The following FNBP4 variants were observed in gnomAD, a reference collection of about 807,000 sequenced individuals.
FNBP4 encodes the protein formin-binding protein 4.
Under a neutral mutation model 119.3 loss-of-function variants are expected in FNBP4, and 34 were observed. That is an observed-to-expected ratio of 0.28 (90% CI 0.22 to 0.38). The LOEUF (loss-of-function observed/expected upper bound fraction) is 0.38. Among genes scored for constraint, FNBP4 ranks in the 10% least tolerant of loss-of-function variants. The pLI is 1.00. For missense variants in FNBP4, 1,112 were observed against 1,228.9 expected (o/e 0.90, Z 1.42); for synonymous variants, 462 against 430.6 (o/e 1.07, Z -0.90).
chr11:47,766,829 G>A (rs1052697791), intron 1 of FNBP4, among the ~76,000 whole-genome samples: 4 of 152,092 alleles, frequency 2.6e-5, no homozygotes, highest in South Asian at 2.1e-4. Context: ...TATTTCAAAC[G>A]TTCCCGGGGC....
chr11:47,753,640 T>C (rs367816708), intron 3 of FNBP4, among the ~76,000 whole-genome samples: 4 of 151,554 alleles, frequency 2.6e-5, no homozygotes, highest in African/African-American at 9.7e-5. Context: ...AAAAAAAGAA[T>C]ACAATTATTA....
chr11:47,764,902 T>C (rs1377349231), intron 2 of FNBP4, among the ~76,000 whole-genome samples: 1 of 152,120 alleles, frequency 6.6e-6, no homozygotes, highest in East Asian at 1.9e-4. Context: ...TTTAATAAGA[T>C]CAATTTCCAG....
In FNBP4 at chr11:47,746,217, CT is replaced by C; in HGVS notation, c.1083del (p.Val362Ter). 6.2e-7 allele frequency: 1 copy of C among 1,614,142 alleles called. No individual in the cohort carries two copies. The highest frequency in any genetic ancestry group is 8.5e-7 in the Non-Finnish European group (1 of 1,180,016). On this transcript the variant is annotated frameshift_variant, in exon 7 of 17. Transcript: ENST00000263773. LOFTEE classifies it high-confidence loss of function. ...PVSEVKETSTTVEEATTIVKP... is the reference protein window; with the variant it reads ...PVSEVKETSTXVEEATTIVKP... ...TTTACTATTGTTGTTGCTTCTTCTA[CT>C]GTTGTACTTGTTTCTTTTACTTCTG...
intron 2 of FNBP4, among the ~76,000 whole-genome samples, chr11:47,763,038 C>T (rs1344784416): frequency 2.6e-5 from 4 of 151,216 alleles, no homozygotes; most frequent in Non-Finnish European, 2.9e-5. Flanking sequence ...TTTTCAGGGG[C>T]GTTAAAAACT....
chr11:47,719,875 T>G lies in FNBP4; in HGVS notation c.2963+54A>C, dbSNP rs992819588. On this transcript the variant is annotated intron_variant, in intron 16 of 16. Transcript: ENST00000263773. ...AACCACAACCTACTCCATCTCATAG[T>G]AGGTCTCAACCTACTCCAAAACCCC... The G allele has an allele frequency of 1.9e-6, 3 of 1,583,184 alleles. No homozygotes were observed. The East Asian group carries it at 6.7e-5, about 36-fold the overall frequency.
In FNBP4 at chr11:47,756,776, T is replaced by C. The variant is rs190443854; in HGVS notation, c.314-2112A>G. 2.0e-5 allele frequency among the ~76,000 whole-genome samples: 3 copies of C among 151,306 alleles called. No individual in the cohort carries two copies. The East Asian group carries it at 5.9e-4, about 30-fold the overall frequency. ...GTTCTCATTGTTCAATTCCTACCTATGAGTGAGAATATGTGGTGTTTGGTT... is the reference window on the plus strand; with the variant it reads ...GTTCTCATTGTTCAATTCCTACCTACGAGTGAGAATATGTGGTGTTTGGTT... On this transcript the variant is annotated intron_variant, in intron 2 of 16. Coordinates refer to ENST00000263773, the MANE Select transcript of FNBP4 (RefSeq NM_015308.5).
chr11:47,758,114 G>C (rs907410073), intron 2 of FNBP4, among the ~76,000 whole-genome samples: 1 of 151,832 alleles, frequency 6.6e-6, no homozygotes, highest in Non-Finnish European at 1.5e-5. Context: ...TTTGAGACAG[G>C]GTCTCACTCT....
chr11:47,765,922 G>A (rs1377406726), intron 1 of FNBP4, among the ~76,000 whole-genome samples: 1 of 125,604 alleles, frequency 8.0e-6, no homozygotes, highest in Admixed American at 1.1e-4. Context: ...CTGACCTCGA[G>A]TAATCCGCCT....
chr11:47,765,993 A>C (rs1057246720), intron 1 of FNBP4, among the ~76,000 whole-genome samples: 1 of 151,342 alleles, frequency 6.6e-6, no homozygotes, highest in African/African-American at 2.4e-5. Flanking sequence ...GGAGTCTTTC[A>C]TCTGCTTACA....
chr11:47,723,474 T>A (rs1015907724), intron 14 of FNBP4, among the ~76,000 whole-genome samples, 158 bp from the exon 15 acceptor site: 6 of 152,256 alleles, frequency 3.9e-5, no homozygotes, highest in African/African-American at 1.2e-4. Context: ...AATATATTAA[T>A]TTTGAATACC....
At chr11:47,754,806 C>G in intron 2 of FNBP4, 142 bp from the exon 3 acceptor site, 1 of 849,112 alleles carries the variant, frequency 1.2e-6, no homozygotes, top group Non-Finnish European at 1.8e-6. Context: ...CACTGAACTA[C>G]CACAGAAGAA....
chr11:47,733,635 A>C (rs1456791128), intron 10 of FNBP4, among the ~76,000 whole-genome samples: 1 of 152,034 alleles, frequency 6.6e-6, no homozygotes, highest in African/African-American at 2.4e-5. Context: ...TGCCTGGCCA[A>C]GGGTTCAGTT....
intron 15 of FNBP4, among the ~76,000 whole-genome samples, chr11:47,722,576 A>G (rs2097557060): frequency 6.6e-6 from 1 of 151,626 alleles, no homozygotes; most frequent in African/African-American, 2.4e-5. Flanking sequence ...TGAGAAAGTA[A>G]GCTGGACATT....
Position 47,724,774 on chromosome 11 carries a change from AGAACCT to A in FNBP4, c.2009-2_2012del, listed in dbSNP as rs776413551. On this transcript the variant is annotated splice_acceptor_variant and coding_sequence_variant, in exon 13 of 17. Transcript: ENST00000263773. LOFTEE classifies it high-confidence loss of function. ...GACCAGAAAAGGATTCTTTACAAAG[AGAACCT>A]ATGAAAACAGGTAAGAGTCAGGGAA... The A allele has an allele frequency of 1.3e-4, 197 of 1,543,720 alleles. No homozygotes were observed. Among genetic ancestry groups the A allele is most frequent in the Admixed American group, 2.5e-4 (12 of 48,598 alleles).
chr11:47,745,786 A>C (rs527616022), intron 7 of FNBP4, among the ~76,000 whole-genome samples: 285 of 152,066 alleles, frequency 1.9e-3, no homozygotes, highest in Middle Eastern at 0.014. Context: ...TACTCTTTCT[A>C]TTTCTCAGCT....
At chr11:47,762,779 G>A (rs897700457) in intron 2 of FNBP4, among the ~76,000 whole-genome samples, 9 of 151,674 alleles carry the variant, frequency 5.9e-5, no homozygotes, top group African/African-American at 1.5e-4. Flanking sequence ...GCATGGTGGC[G>A]TGGGCCCGTA....
chr11:47,767,098 G>C lies in FNBP4; in HGVS notation c.191C>G (p.Ala64Gly). 6.5e-7 allele frequency: 1 copy of C among 1,529,988 alleles called. No homozygotes were observed. The highest frequency in any genetic ancestry group is 8.7e-7 in the Non-Finnish European group (1 of 1,143,990). The allele number at this position is 1,529,988 out of a possible 1,614,324, so 94.8% of individuals were successfully genotyped here. ...ATTTTTAVTA[A>G]AASDDSPSED... ...TGAAGGCGAGTCGTCCGAGGCCGCG[G>C]CGGCAGTCACCGCGGTGGTGGTGGT... Residue 64 changes from alanine (A) to glycine (G), a missense_variant, in exon 1 of 17, where the codon GCC becomes GGC. Ala to Gly is a moderately conservative substitution (Grantham distance 60). Around this residue, in one of 2 missense-constraint regions of FNBP4, gnomAD observed 286 missense variants for 240.1 expected, o/e 1.19. Transcript: ENST00000263773.
chr11:47,743,848 A>G, intron 8 of FNBP4, 105 bp downstream of exon 8: 1 of 1,010,400 alleles, frequency 9.9e-7, no homozygotes, highest in South Asian at 1.6e-5. Context: ...CCCAAAGAGT[A>G]AAAGTACAAT....
Position 47,732,199 on chromosome 11 carries a change from G to C in FNBP4, c.1820+338C>G. 1 of 1,056,346 alleles carries C rather than the reference G, an allele frequency of 9.5e-7. No individual in the cohort carries two copies. The highest frequency in any genetic ancestry group is 1.1e-6 in the Non-Finnish European group (1 of 876,030). The allele number at this position is 1,056,346 out of a possible 1,614,324, so 65.4% of individuals were successfully genotyped here. ...CCTTAACTTCACCGAGGTTAATCAG[G>C]AGTAGTTGCTTCCAGAGGTCCTGTA... On this transcript the variant is annotated intron_variant, in intron 11 of 16. Transcript: ENST00000263773. The surrounding 1 kb of genome is among the most constrained non-coding windows in gnomAD (Gnocchi z 4.2).
Sources: gnomAD v4.1 joint callset for allele counts (sites outside exome capture counted in the v4.1 genomes callset) on GRCh38, gnomAD v4.1.1 for gene constraint, gnomAD v4.1.1 regional missense constraint, Gnocchi (gnomAD v3.1) non-coding constraint, MANE v1.5 for transcripts, NCBI Gene and HGNC (gene_info 2026-07-23, HGNC 2026-07-21) for gene names.